The following PRKN variants were observed in gnomAD, a reference collection of about 807,000 sequenced individuals.
PRKN encodes parkin RBR E3 ubiquitin protein ligase.
PRKN carries 56 observed loss-of-function variants against 59.5 expected under a neutral mutation model. That is an observed-to-expected ratio of 0.94 (90% CI 0.76 to 1.18). The LOEUF (loss-of-function observed/expected upper bound fraction) is 1.18. Among genes scored for constraint, PRKN ranks in the 50% most tolerant of loss-of-function variants. The pLI is 0.00. For synonymous variants in PRKN, 250 were observed against 222.1 expected (o/e 1.13, Z -1.12); for missense variants, 657 against 596.4 (o/e 1.10, Z -1.06).
intron 4 of PRKN, among the ~76,000 whole-genome samples, chr6:162,113,025 T>C (rs1003514750): frequency 6.6e-6 from 1 of 152,190 alleles, no homozygotes; most frequent in African/African-American, 2.4e-5. Context: ...TTCATTTTCA[T>C]GAAAATGGAA....
At chr6:162,133,272 G>C (rs1196352270) in intron 4 of PRKN, among the ~76,000 whole-genome samples, 1 of 152,204 alleles carries the variant, frequency 6.6e-6, no homozygotes, top group Non-Finnish European at 1.5e-5. Flanking sequence ...AGGGATCTGT[G>C]AAGTGATCGG....
At chr6:161,817,783 C>T (rs3016534) in intron 6 of PRKN, among the ~76,000 whole-genome samples, 65,653 of 152,002 alleles carry the variant, frequency 0.43, 14,734 homozygotes, top group East Asian at 0.69. Context: ...CGAATGACAA[C>T]GCTACTCCTA....
At chr6:162,053,400 G>A (rs779535924) in intron 5 of PRKN, among the ~76,000 whole-genome samples, 37 of 152,100 alleles carry the variant, frequency 2.4e-4, no homozygotes, top group Non-Finnish European at 2.4e-4. Context: ...AGATTACGAC[G>A]GAGCCAGCGA....
intron 6 of PRKN, among the ~76,000 whole-genome samples, chr6:161,811,430 C>G (rs1791553616): frequency 6.6e-6 from 1 of 152,110 alleles, no homozygotes; most frequent in African/African-American, 2.4e-5. Flanking sequence ...ATCAACAGAA[C>G]AGAAGAGTGA....
In PRKN at chr6:162,293,039, G is replaced by C. The variant is rs746967200; in HGVS notation, c.172-30274C>G. 1.4e-3 allele frequency among the ~76,000 whole-genome samples: 211 copies of C among 152,132 alleles called. 2 individuals are homozygous for C. The highest frequency in any genetic ancestry group is 2.2e-3 in the Non-Finnish European group (153 of 68,040). On this transcript the variant is annotated intron_variant, in intron 2 of 11. Transcript: ENST00000366898. ...TCTGAGAATAACAGTATTTCCAAAG[G>C]GTGCTGGCTCAAAAAATGAAAATAT...
At chr6:162,322,370 T>A (rs1050603823) in intron 2 of PRKN, among the ~76,000 whole-genome samples, 2 of 152,116 alleles carry the variant, frequency 1.3e-5, no homozygotes, top group Non-Finnish European at 2.9e-5. Context: ...AATGTCATTA[T>A]TCCCCAAAGT....
chr6:161,548,629 C>T lies in PRKN; in HGVS notation c.1083+225G>A. On this transcript the variant is annotated intron_variant, in intron 9 of 11. Transcript: ENST00000366898. This position sits in a 1 kb window ranked among gnomAD's most constrained non-coding sequence, Gnocchi z 4.2. Reference sequence around the variant, plus strand: ...TTAAAGTAAATACTTCCATAAGCAACCAAAGCAGAAAATCTTCATATAACT... The same window carrying T: ...TTAAAGTAAATACTTCCATAAGCAATCAAAGCAGAAAATCTTCATATAACT... 1 of 547,144 alleles carries T rather than the reference C, an allele frequency of 1.8e-6. No individual in the cohort carries two copies. The allele number at this position is 547,144 out of a possible 1,614,324, so 33.9% of individuals were successfully genotyped here.
chr6:162,320,420 A>C (rs199586829), intron 2 of PRKN, among the ~76,000 whole-genome samples: 3 of 70,882 alleles, frequency 4.2e-5, no homozygotes, highest in East Asian at 9.7e-4. Flanking sequence ...AAAAAAAACC[A>C]AAAAAAAAAA....
intron 4 of PRKN, among the ~76,000 whole-genome samples, chr6:162,135,664 A>G (rs2128309142): frequency 6.6e-6 from 1 of 152,252 alleles, no homozygotes; most frequent in Non-Finnish European, 1.5e-5. Context: ...CAGTGTGTGT[A>G]GCTGACTGTG....
At chr6:161,772,928 G>C (rs1310374025) in intron 7 of PRKN, among the ~76,000 whole-genome samples, 3 of 152,020 alleles carry the variant, frequency 2.0e-5, no homozygotes, top group Non-Finnish European at 4.4e-5. Context: ...TTCTGGAGAG[G>C]GACATTTGGC....
intron 6 of PRKN, among the ~76,000 whole-genome samples, chr6:161,941,784 G>A (rs1472535268): frequency 6.6e-6 from 1 of 152,042 alleles, no homozygotes; most frequent in African/African-American, 2.4e-5. Flanking sequence ...GACATGCCCT[G>A]GGAGGAGGAC....
intron 9 of PRKN, among the ~76,000 whole-genome samples, chr6:161,422,502 C>T (rs1428708168): frequency 2.0e-5 from 3 of 152,018 alleles, no homozygotes; most frequent in Non-Finnish European, 2.9e-5. Flanking sequence ...CCTGGCCAGA[C>T]AACACAAATA....
At chr6:161,892,747 A>T (rs1777454747) in intron 6 of PRKN, among the ~76,000 whole-genome samples, 1 of 152,090 alleles carries the variant, frequency 6.6e-6, no homozygotes, top group Non-Finnish European at 1.5e-5. Flanking sequence ...TCTAAACAAT[A>T]AAAAAAATTA....
intron 1 of PRKN, among the ~76,000 whole-genome samples, chr6:162,715,668 G>A (rs1329658453): frequency 4.6e-5 from 7 of 152,004 alleles, no homozygotes; most frequent in Admixed American, 1.3e-4. Context: ...AAGATTGAGC[G>A]GTTCCTCATT....
chr6:162,188,885 G>A (rs1784143697), intron 4 of PRKN, among the ~76,000 whole-genome samples: 1 of 151,190 alleles, frequency 6.6e-6, no homozygotes, highest in African/African-American at 2.4e-5. Flanking sequence ...TTTGTGAAAA[G>A]CAATGATTAT....
intron 1 of PRKN, among the ~76,000 whole-genome samples, chr6:162,710,079 G>C (rs1282040931): frequency 6.6e-6 from 1 of 152,150 alleles, no homozygotes; most frequent in East Asian, 1.9e-4. Flanking sequence ...TGGCTGCTGA[G>C]CCAGGGGTCC....
chr6:161,728,039 G>T (rs528075257), intron 7 of PRKN, among the ~76,000 whole-genome samples: 1 of 152,112 alleles, frequency 6.6e-6, no homozygotes, highest in East Asian at 1.9e-4. Flanking sequence ...ACCCATTTTC[G>T]CTTCACTGAT....
At chr6:162,432,621 A>T (rs533760623) in intron 2 of PRKN, among the ~76,000 whole-genome samples, 6 of 152,342 alleles carry the variant, frequency 3.9e-5, no homozygotes, top group African/African-American at 1.2e-4. Context: ...CTAAAGCCAC[A>T]CAACTGGATT....
chr6:162,505,649 C>T (rs1004972424), intron 1 of PRKN, among the ~76,000 whole-genome samples: 4 of 151,980 alleles, frequency 2.6e-5, no homozygotes, highest in African/African-American at 9.7e-5. Flanking sequence ...AATCTTAAGA[C>T]CATAAGTAAT....
Sources: allele counts gnomAD v4.1 joint callset (sites outside exome capture counted in the v4.1 genomes callset), GRCh38; gene constraint gnomAD v4.1.1; non-coding constraint Gnocchi (gnomAD v3.1); transcripts MANE v1.5; gene names NCBI Gene and HGNC (gene_info 2026-07-23, HGNC 2026-07-21).